TASP1: variants seen among roughly 807,000 people sequenced by gnomAD.
TASP1 encodes the protein taspase 1, also known as threonine aspartase 1.
TASP1 carries 16 observed loss-of-function variants against 56.6 expected under a neutral mutation model. The observed-to-expected ratio is 0.28, with a 90% confidence interval of 0.19 to 0.43. The LOEUF is 0.43. Among genes scored for constraint, TASP1 ranks in the 20% least tolerant of loss-of-function variants. The pLI, the probability that TASP1 is intolerant of heterozygous loss-of-function variation, is 1.00. For synonymous variants in TASP1, 179 were observed against 184.2 expected (o/e 0.97, Z 0.23); for missense variants, 393 against 511.6 (o/e 0.77, Z 2.24).
At chr20:13,159,462 T>C in the TASP1 span, among the ~76,000 whole-genome samples, 1 of 152,184 alleles carries the variant, frequency 6.6e-6, no homozygotes, top group Non-Finnish European at 1.5e-5. Context: ...AGTGGGAATA[T>C]TGGCTTGGGG....
intron 4 of TASP1, among the ~76,000 whole-genome samples, chr20:13,609,510 C>T (rs555752351): frequency 6.6e-6 from 1 of 151,912 alleles, no homozygotes; most frequent in African/African-American, 2.4e-5. Flanking sequence ...ATGGTGAAAC[C>T]CCATCTCTAC....
the TASP1 span, among the ~76,000 whole-genome samples, chr20:13,318,413 GT>G: frequency 6.6e-6 from 1 of 152,072 alleles, no homozygotes; most frequent in Admixed American, 6.5e-5. Context: ...TTGGAAGACA[GT>G]TTGATGTTTG....
intron 8 of TASP1, among the ~76,000 whole-genome samples, chr20:13,554,850 G>C (rs1213068720): frequency 6.6e-6 from 1 of 152,134 alleles, no homozygotes; most frequent in Non-Finnish European, 1.5e-5. Flanking sequence ...GAAGGGCCTT[G>C]CCTCAATGTT....
chr20:13,602,559 T>C (rs2048002722), intron 4 of TASP1, among the ~76,000 whole-genome samples: 1 of 152,196 alleles, frequency 6.6e-6, no homozygotes, highest in Non-Finnish European at 1.5e-5. Flanking sequence ...CCAACCTTTT[T>C]GGCACCACTG....
At chr20:13,225,012 A>AT in the TASP1 span, among the ~76,000 whole-genome samples, 29,477 of 137,556 alleles carry the variant, frequency 0.21, 3,222 homozygotes, top group Middle Eastern at 0.29. Context: ...CGCCCGGCTA[A>AT]TTTTTTTTTT....
chr20:13,290,746 T>C, the TASP1 span, among the ~76,000 whole-genome samples: 25 of 152,254 alleles, frequency 1.6e-4, no homozygotes, highest in Non-Finnish European at 2.9e-4. Flanking sequence ...TTTGAGTACT[T>C]AAGTGTCAAG....
the TASP1 span, among the ~76,000 whole-genome samples, chr20:13,249,365 A>G: frequency 2.0e-5 from 3 of 152,188 alleles, no homozygotes; most frequent in Non-Finnish European, 2.9e-5. Flanking sequence ...CCAGCAGACC[A>G]CTGCCGCCAG....
intron 10 of TASP1, among the ~76,000 whole-genome samples, chr20:13,493,469 G>T (rs2043612854): frequency 6.6e-6 from 1 of 152,094 alleles, no homozygotes; most frequent in African/African-American, 2.4e-5. Flanking sequence ...TTCCTATACT[G>T]GATGCTTCCT....
chr20:13,285,674 G>A, the TASP1 span, among the ~76,000 whole-genome samples: 7 of 152,208 alleles, frequency 4.6e-5, no homozygotes, highest in African/African-American at 1.4e-4. Context: ...GAATCAGCCC[G>A]AGAGGGGAGT....
chr20:13,489,239 A>G (rs1045740845), intron 10 of TASP1, among the ~76,000 whole-genome samples: 1 of 152,166 alleles, frequency 6.6e-6, no homozygotes, highest in African/African-American at 2.4e-5. Context: ...CTGTTCCAGA[A>G]GGCTGTTTTA....
chr20:13,569,727 T>C, intron 6 of TASP1, 141 bp from the exon 7 acceptor site: 2 of 636,430 alleles, frequency 3.1e-6, no homozygotes, highest in Non-Finnish European at 5.1e-6. Context: ...AGTAGTAAGA[T>C]GACTGCATGC....
intron 11 of TASP1, among the ~76,000 whole-genome samples, chr20:13,453,811 C>T (rs2043721816): frequency 6.6e-6 from 1 of 152,020 alleles, no homozygotes; most frequent in Non-Finnish European, 1.5e-5. Flanking sequence ...CACACATACA[C>T]ATCATTTACA....
At chr20:13,434,605 T>C (rs984087742) in intron 12 of TASP1, among the ~76,000 whole-genome samples, 1 of 152,126 alleles carries the variant, frequency 6.6e-6, no homozygotes, top group African/African-American at 2.4e-5. Context: ...CACGAAGGTG[T>C]CATGGTTAAC....
At chr20:13,313,061 A>T in the TASP1 span, among the ~76,000 whole-genome samples, 4 of 152,176 alleles carry the variant, frequency 2.6e-5, no homozygotes, top group East Asian at 7.7e-4. Flanking sequence ...TTTTTTCCTG[A>T]TCTTCACCAG....
At chr20:13,599,967 T>C (rs749779279) in intron 4 of TASP1, among the ~76,000 whole-genome samples, 32 of 152,244 alleles carry the variant, frequency 2.1e-4, no homozygotes, top group Admixed American at 8.5e-4. Context: ...AAGATCAATA[T>C]ATAAACAAAA....
the TASP1 span, among the ~76,000 whole-genome samples, chr20:13,247,514 A>AGGG: frequency 3.0e-4 from 38 of 127,410 alleles, no homozygotes; most frequent in African/African-American, 4.9e-4. Context: ...CAGCAAAGTG[A>AGGG]GGGGTGTGTG....
At chr20:13,564,488 GT>G (rs1432486638) in intron 7 of TASP1, among the ~76,000 whole-genome samples, 1 of 151,186 alleles carries the variant, frequency 6.6e-6, no homozygotes, top group Non-Finnish European at 1.5e-5. Flanking sequence ...CTTTAATATT[GT>G]TAAGATGTCA....
At chr20:13,519,665 G>A (rs140488027) in intron 10 of TASP1, among the ~76,000 whole-genome samples, 3,285 of 151,972 alleles carry the variant, frequency 0.022, 106 homozygotes, top group African/African-American at 0.074. Flanking sequence ...AGCCAATATC[G>A]TACTGAATGG....
At chr20:13,526,400 CT>C (rs1179266027) in intron 10 of TASP1, among the ~76,000 whole-genome samples, 1 of 152,106 alleles carries the variant, frequency 6.6e-6, no homozygotes, top group Non-Finnish European at 1.5e-5. Context: ...TTAGTCTTTG[CT>C]TTGTTCAAGT....
Sources: allele counts gnomAD v4.1 joint callset (sites outside exome capture counted in the v4.1 genomes callset), GRCh38; gene constraint gnomAD v4.1.1; transcripts MANE v1.5; gene names NCBI Gene and HGNC (gene_info 2026-07-23, HGNC 2026-07-21).